Variants in GRM7 observed in about 807,000 individuals in gnomAD.
GRM7 encodes glutamate metabotropic receptor 7.
GRM7 carries 35 observed loss-of-function variants against 84.5 expected under a neutral mutation model. The ratio of observed to expected loss-of-function variants is 0.41; its 90% CI spans 0.32 to 0.55. The LOEUF (loss-of-function observed/expected upper bound fraction) is 0.55, where lower values mean the gene tolerates loss of function less well. GRM7 is among the 20% of genes least tolerant of loss of function. The pLI, the probability that GRM7 is intolerant of heterozygous loss-of-function variation, is 0.19. For missense variants in GRM7, 1,003 were observed against 1,194.6 expected, an observed-to-expected ratio of 0.84 and a Z score of 2.36; for synonymous variants, 487 against 455.1, an observed-to-expected ratio of 1.07 and a Z score of -0.89.
At chr3:7,301,983 A>G (rs1700018288) in intron 3 of GRM7, among the ~76,000 whole-genome samples, 1 of 152,168 alleles carries the variant, frequency 6.6e-6, no homozygotes. Flanking sequence ...ATGGGTATAG[A>G]TGATTTGGAT....
chr3:7,603,400 A>G (rs1696413109), intron 8 of GRM7, among the ~76,000 whole-genome samples: 1 of 151,968 alleles, frequency 6.6e-6, no homozygotes. Context: ...GTACCCCCAG[A>G]CCCCAGATTT....
chr3:7,089,962 C>T (rs533125723), intron 1 of GRM7, among the ~76,000 whole-genome samples: 2 of 152,084 alleles, frequency 1.3e-5, no homozygotes, highest in Non-Finnish European at 2.9e-5. Flanking sequence ...CCTGCCTCAG[C>T]CTCTCAGGTA....
intron 4 of GRM7, among the ~76,000 whole-genome samples, chr3:7,386,308 G>C (rs1694784186): frequency 6.6e-6 from 1 of 152,014 alleles, no homozygotes; most frequent in Non-Finnish European, 1.5e-5. Flanking sequence ...GAGTTCCTTT[G>C]CAGGTTTGTT....
chr3:7,572,666 A>G, intron 7 of GRM7, among the ~76,000 whole-genome samples: 1 of 150,466 alleles, frequency 6.6e-6, no homozygotes, highest in Non-Finnish European at 1.5e-5. Flanking sequence ...AAAAAAATAC[A>G]AAAAAATTAG....
intron 1 of GRM7, among the ~76,000 whole-genome samples, chr3:7,080,758 A>G (rs530290954): frequency 1.0e-3 from 152 of 152,134 alleles, no homozygotes; most frequent in South Asian, 3.1e-3. Context: ...TGCCATACTT[A>G]TATGACATAC....
chr3:7,159,037 G>A (rs1019974720), intron 2 of GRM7, among the ~76,000 whole-genome samples: 26 of 152,088 alleles, frequency 1.7e-4, no homozygotes, highest in African/African-American at 6.3e-4. Flanking sequence ...TTTTAAAATT[G>A]AAGCTTACAC....
At chr3:7,424,911 A>G (rs1161715582) in intron 5 of GRM7, among the ~76,000 whole-genome samples, 1 of 152,228 alleles carries the variant, frequency 6.6e-6, no homozygotes, top group Admixed American at 6.5e-5. Context: ...AGATGATCAC[A>G]ACAGCCCTGA....
chr3:7,091,209 A>G (rs1366360158), intron 1 of GRM7, among the ~76,000 whole-genome samples: 1 of 121,032 alleles, frequency 8.3e-6, no homozygotes, highest in African/African-American at 4.5e-5. Flanking sequence ...GCAGTGAAGT[A>G]CCAAAAAAAA....
chr3:6,978,056 CA>C (rs200168601), intron 1 of GRM7, among the ~76,000 whole-genome samples: 25,319 of 151,918 alleles, frequency 0.17, 2,342 homozygotes, highest in Admixed American at 0.21. Context: ...TTATTGGGCT[CA>C]CAATAGAGTT....
At chr3:7,320,681 AGTGTGTGTGT>A (rs56313913) in intron 4 of GRM7, among the ~76,000 whole-genome samples, 114 of 141,248 alleles carry the variant, frequency 8.1e-4, no homozygotes, top group African/African-American at 1.9e-3. Context: ...GTGGGTGATC[AGTGTGTGTGT>A]GTGTGTGTGT....
At chr3:7,453,645 A>G (rs530590754) in intron 6 of GRM7, among the ~76,000 whole-genome samples, 1 of 152,280 alleles carries the variant, frequency 6.6e-6, no homozygotes, top group South Asian at 2.1e-4. Context: ...CCTCCCCTGC[A>G]CAAAGATGAG....
At position 7,146,501 on chromosome 3, in the gene GRM7, G is replaced by A. The variant is rs144324520; in HGVS notation, c.569G>A (p.Arg190Gln). 1,700 of 1,613,884 alleles carry A rather than the reference G, an allele frequency of 1.1e-3. No individual in the cohort carries two copies. The highest frequency in any genetic ancestry group is 1.2e-3 in the Non-Finnish European group (1,445 of 1,179,954). The change falls in exon 2 of 10, where the codon CGG becomes CAG. Residue 190 changes from arginine to glutamine, a missense_variant. Transcript: ENST00000357716. Reference sequence around the variant, plus strand: ...ACGGCACCCGAGCTAAGTGATGACCGGCGCTATGACTTCTTCTCTCGCGTG... The same window carrying A: ...ACGGCACCCGAGCTAAGTGATGACCAGCGCTATGACTTCTTCTCTCGCGTG... ...ASTAPELSDD[R>Q]RYDFFSRVVP...
At chr3:7,611,275 T>C (rs1164471861) in intron 8 of GRM7, among the ~76,000 whole-genome samples, 1 of 152,166 alleles carries the variant, frequency 6.6e-6, no homozygotes, top group East Asian at 1.9e-4. Context: ...CTAATAATTA[T>C]TATATGAAAC....
At chr3:6,890,384 T>C (rs1024034198) in intron 1 of GRM7, among the ~76,000 whole-genome samples, 6 of 152,096 alleles carry the variant, frequency 3.9e-5, no homozygotes, top group Non-Finnish European at 4.4e-5. Context: ...TATAAATTTC[T>C]CTCTACACAC....
Position 7,229,741 on chromosome 3 carries a change from ATATATATATATATATATAT to A in GRM7, c.737-68941_737-68923del, listed in dbSNP as rs1559514564. Among the ~76,000 whole-genome samples, 71 of 38,072 alleles carry A rather than the reference ATATATATATATATATATAT, an allele frequency of 1.9e-3. 5 individuals are homozygous for A. The highest frequency in any genetic ancestry group is 5.1e-3 in the African/African-American group (55 of 10,734). The allele number at this position is 38,072 out of a possible 152,430, so 25.0% of individuals were successfully genotyped here. A position where few individuals can be genotyped will look rare whatever the true frequency, so the allele number is the denominator to read the frequency against. The stretch of plus-strand genomic sequence containing the variant: ...TAGACACACACATATATATATATAT[ATATATATATATATATATAT>A]TTTTTTTTTTTTTTGGTTGACAGGT... On this transcript the variant is annotated intron_variant, in intron 2 of 9. Transcript: ENST00000357716.
intron 1 of GRM7, among the ~76,000 whole-genome samples, chr3:6,890,960 T>G (rs1209969819): frequency 6.6e-6 from 1 of 152,112 alleles, no homozygotes; most frequent in Non-Finnish European, 1.5e-5. Flanking sequence ...CTCTTCTTAT[T>G]GAATTGATCC....
At chr3:6,872,897 A>C (rs975222630) in intron 1 of GRM7, among the ~76,000 whole-genome samples, 3 of 152,162 alleles carry the variant, frequency 2.0e-5, no homozygotes, top group African/African-American at 7.2e-5. Context: ...AGTCTTTGCT[A>C]TTCTGAGCAG....
At chr3:7,079,359 TA>T (rs1698203234) in intron 1 of GRM7, among the ~76,000 whole-genome samples, 1 of 152,102 alleles carries the variant, frequency 6.6e-6, no homozygotes, top group South Asian at 2.1e-4. Flanking sequence ...GGACAGACAA[TA>T]AAGGTCACTG....
rs900390239 is a variant in GRM7, at chr3:7,390,044, G to C, written c.1034-24979G>C. Among the ~76,000 whole-genome samples the C allele has an allele frequency of 3.9e-5, 6 of 152,152 alleles. No individual in the cohort carries two copies. The East Asian group carries it at 7.7e-4, about 20-fold the overall frequency. On this transcript the variant is annotated intron_variant, in intron 4 of 9. Transcript: ENST00000357716. ...TTCTTAAGCATCTCTTGTTGGATGG[G>C]TCTGGTGGTGATTAATTCCCCTAGT...
Sources: gnomAD v4.1 joint callset for allele counts (sites outside exome capture counted in the v4.1 genomes callset) on GRCh38, gnomAD v4.1.1 for gene constraint, MANE v1.5 for transcripts, NCBI Gene and HGNC (gene_info 2026-07-23, HGNC 2026-07-21) for gene names.